TMEM121: variants seen among roughly 807,000 people sequenced by gnomAD.
TMEM121 encodes the protein transmembrane protein 121, also known as transmembrane protein 121A.
A neutral mutation model predicts 16.4 loss-of-function variants in TMEM121; 8 were observed. The ratio of observed to expected loss-of-function variants is 0.49; its 90% CI spans 0.29 to 0.88. The LOEUF (loss-of-function observed/expected upper bound fraction) is 0.88, where lower values mean the gene tolerates loss of function less well. TMEM121 is among the 40% of genes least tolerant of loss of function. The pLI is 0.09. For missense variants in TMEM121, 401 were observed against 462.0 expected (o/e 0.87, Z 1.21); for synonymous variants, 235 against 226.2 (o/e 1.04, Z -0.35).
intron 1 of TMEM121, among the ~76,000 whole-genome samples, chr14:105,527,865 G>A (rs1441307280): frequency 6.6e-6 from 1 of 152,078 alleles, no homozygotes; most frequent in Non-Finnish European, 1.5e-5. Context: ...CGGGGACTCC[G>A]ACAGCACGGC....
At position 105,529,735 on chromosome 14, in the gene TMEM121, C is replaced by A. The variant is rs1555444359; in HGVS notation, c.901C>A (p.His301Asn). 1 of 1,514,614 alleles carries A rather than the reference C, an allele frequency of 6.6e-7. No homozygotes were observed. Among genetic ancestry groups the A allele is most frequent in the Non-Finnish European group, 8.8e-7 (1 of 1,138,800 alleles). 93.8% of individuals were successfully genotyped at this position (1,514,614 alleles called of 1,614,324 possible). Residue 301 changes from histidine to asparagine, a missense_variant, in exon 2 of 2, where the codon CAC (histidine) becomes AAC (asparagine). Transcript: ENST00000392519. ...GGTGCCGCCGCCGCCGCCGCCGCTG[C>A]ACGGCCCGCCTGGGCGCCCCCACAT... Reference protein sequence around the residue: ...NSVPPPPPPLHGPPGRPHMSS... With the variant: ...NSVPPPPPPLNGPPGRPHMSS...
rs2084611046 is a variant in TMEM121 at position 105,528,806 on chromosome 14, G to A, written c.-29G>A. 1 of 1,361,162 alleles carries A rather than the reference G, an allele frequency of 7.3e-7. No individual in the cohort carries two copies. Among genetic ancestry groups the A allele is most frequent in the Admixed American group, 3.8e-5 (1 of 26,100 alleles). The allele number at this position is 1,361,162 out of a possible 1,614,324, so 84.3% of individuals were successfully genotyped here. A position where few individuals can be genotyped will look rare whatever the true frequency, so the allele number is the denominator to read the frequency against. On this transcript the variant is annotated 5_prime_UTR_variant, in exon 2 of 2. Transcript: ENST00000392519. ...GTCCCGCCAGGCGTGGGGGCCGCGC[G>A]CGCCCAGGCCGGGGCCCGGCGGCCG...
In TMEM121 at chr14:105,526,871, C is replaced by A. The variant is rs2084592152; in HGVS notation, c.-114+218C>A. ...AAGCAGAGACGCAGCCTGCTGGGAGCGGCCCAAGCTCTGCACCGGCCCGCG... is the reference window on the plus strand; with the variant it reads ...AAGCAGAGACGCAGCCTGCTGGGAGAGGCCCAAGCTCTGCACCGGCCCGCG... On this transcript the variant is annotated intron_variant, in intron 1 of 1. Transcript: ENST00000392519. The surrounding 1 kb of genome is among the most constrained non-coding windows in gnomAD (Gnocchi z 6.8). 6.6e-6 allele frequency among the ~76,000 whole-genome samples: 1 copy of A among 151,734 alleles called. No homozygotes were observed. Among genetic ancestry groups the A allele is most frequent in the Non-Finnish European group, 1.5e-5 (1 of 67,898 alleles).
At position 105,529,342 on chromosome 14, in the gene TMEM121, C is replaced by T. The variant is rs368170837; in HGVS notation, c.508C>T (p.Pro170Ser). 2 of 1,539,116 alleles carry T rather than the reference C, an allele frequency of 1.3e-6. No individual in the cohort carries two copies. The highest frequency in any genetic ancestry group is 1.4e-5 in the African/African-American group (1 of 72,994). Residue 170 changes from proline to serine, a missense_variant, in exon 2 of 2, where the codon CCG becomes TCG. Physicochemically the swap from Pro to Ser is moderately conservative, Grantham distance 74. Transcript: ENST00000392519. ...LLDMQASLWE[P>S]PRSGLPLWAE... ...GGACATGCAGGCCAGCCTGTGGGAG[C>T]CGCCGCGCTCCGGGCTGCCGCTGTG...
chr14:105,528,038 A>G (rs75767904), intron 1 of TMEM121, among the ~76,000 whole-genome samples: 4,005 of 149,896 alleles, frequency 0.027, 275 homozygotes, highest in African/African-American at 0.097. Context: ...GTGGGGGACA[A>G]CACCTCGCCA....
In TMEM121 at chr14:105,529,705, A is replaced by C. The variant is rs782152703; in HGVS notation, c.871A>C (p.Asn291His). 2.3e-4 allele frequency: 358 copies of C among 1,525,058 alleles called. No individual in the cohort carries two copies. The highest frequency in any genetic ancestry group is 1.2e-3 in the Admixed American group (62 of 50,610). 94.5% of individuals were successfully genotyped at this position (1,525,058 alleles called of 1,614,324 possible). A position where few individuals can be genotyped will look rare whatever the true frequency, so the allele number is the denominator to read the frequency against. ...GCTGCAGCCGCCACCCCCGCAGCGCAACTCGGTGCCGCCGCCGCCGCCGCC... is the reference window on the plus strand; with the variant it reads ...GCTGCAGCCGCCACCCCCGCAGCGCCACTCGGTGCCGCCGCCGCCGCCGCC... ...LELQPPPPQR[N>H]SVPPPPPPLH... Residue 291 changes from asparagine to histidine, a missense_variant, in exon 2 of 2, where the codon AAC becomes CAC. Transcript: ENST00000392519.
chr14:105,529,884 C>T lies in TMEM121; in HGVS notation c.*90C>T, dbSNP rs1160835880. 14 of 1,196,572 alleles carry T rather than the reference C, an allele frequency of 1.2e-5. No homozygotes were observed. The highest frequency in any genetic ancestry group is 1.5e-5 in the Non-Finnish European group (14 of 910,444). 74.1% of individuals were successfully genotyped at this position (1,196,572 alleles called of 1,614,324 possible). On this transcript the variant is annotated 3_prime_UTR_variant, in exon 2 of 2. Transcript: ENST00000392519. ...CGGTTTGCATGGGATGGGGTGGGGGCGGGCTCCCCTAGGGACAGGTGCCTC... is the reference window on the plus strand; with the variant it reads ...CGGTTTGCATGGGATGGGGTGGGGGTGGGCTCCCCTAGGGACAGGTGCCTC...
chr14:105,529,238 A>C lies in TMEM121; in HGVS notation c.404A>C (p.Glu135Ala). Residue 135 changes from glutamate (E) to alanine (A), a missense_variant, in exon 2 of 2, where the codon GAG becomes GCG. Glu to Ala is a moderately radical substitution (Grantham distance 107). Coordinates refer to ENST00000392519, the MANE Select transcript of TMEM121 (RefSeq NM_025268.4). The stretch of plus-strand genomic sequence containing the variant: ...CTGCTCGTGGCGCTGGACCGCATGG[A>C]GTACGTGCGCACCTTCCGCAAGCGC... Reference protein sequence around the residue: ...FLLLVALDRMEYVRTFRKRED... With the variant: ...FLLLVALDRMAYVRTFRKRED... 1.3e-6 allele frequency: 2 copies of C among 1,565,384 alleles called. No individual in the cohort carries two copies. The highest frequency in any genetic ancestry group is 1.7e-6 in the Non-Finnish European group (2 of 1,158,516).
In TMEM121 at chr14:105,529,533, C is replaced by A. The variant is rs1224959362; in HGVS notation, c.699C>A (p.Arg233=). The A allele has an allele frequency of 6.5e-7, 1 of 1,541,658 alleles. No homozygotes were observed. The stretch of plus-strand genomic sequence containing the variant: ...TCAATGTGGTGGCCGTGCTGGCGCG[C>A]GCCGCCAACATGGCGCTGTTCCGGG... ...ATVNVVAVLA[R]AANMALFRDS... is the part of the protein sequence containing the mutation. The change falls in exon 2 of 2, where the codon CGC becomes CGA. Residue 233 remains arginine (R), a synonymous_variant. Transcript: ENST00000392519.
At chr14:105,528,634 G>A (rs2141832306) in intron 1 of TMEM121, 88 bp from the exon 2 acceptor site, 1 of 391,098 alleles carries the variant, frequency 2.6e-6, no homozygotes, top group Admixed American at 5.4e-5. Context: ...CGCGCCTGGT[G>A]GGAAGCACGC....
chr14:105,529,367 G>T lies in TMEM121; in HGVS notation c.533G>T (p.Trp178Leu). The T allele has an allele frequency of 6.5e-7, 1 of 1,541,540 alleles. No homozygotes were observed. The change falls in exon 2 of 2, where the codon TGG becomes TTG. Residue 178 changes from tryptophan (W) to leucine (L), a missense_variant. Coordinates refer to ENST00000392519, the MANE Select transcript of TMEM121 (RefSeq NM_025268.4). ...WEPPRSGLPL[W>L]AEGLTFFYCY... The stretch of plus-strand genomic sequence containing the variant: ...CCGCCGCGCTCCGGGCTGCCGCTGT[G>T]GGCCGAGGGCCTCACCTTCTTCTAC...
rs2084590674 is a variant in TMEM121, at chr14:105,526,725, A to G, written c.-114+72A>G. The G allele has an allele frequency of 1.2e-5, 1 of 84,106 alleles. No homozygotes were observed. Among genetic ancestry groups the G allele is most frequent in the Non-Finnish European group, 2.3e-5 (1 of 44,162 alleles). 5.2% of individuals were successfully genotyped at this position (84,106 alleles called of 1,614,324 possible). A position where few individuals can be genotyped will look rare whatever the true frequency, so the allele number is the denominator to read the frequency against. ...GCGGAGGGGGCGGCGGGCCTGGGCG[A>G]CCCTGCACCTCTGGGCCGTGGGGAC... On this transcript the variant is annotated intron_variant, in intron 1 of 1. Coordinates refer to ENST00000392519, the MANE Select transcript of TMEM121 (RefSeq NM_025268.4). This position sits in a 1 kb window ranked among gnomAD's most constrained non-coding sequence, Gnocchi z 6.8.
rs1341218355 is a variant in TMEM121 at position 105,529,937 on chromosome 14, C to T, written c.*143C>T. 54 of 798,956 alleles carry T rather than the reference C, an allele frequency of 6.8e-5. No individual in the cohort carries two copies. In the East Asian group the frequency reaches 1.4e-3, roughly 20 times the overall value. The allele number at this position is 798,956 out of a possible 1,614,324, so 49.5% of individuals were successfully genotyped here. A position where few individuals can be genotyped will look rare whatever the true frequency, so the allele number is the denominator to read the frequency against. ...GTGCCCGTGCCTGGGGTCCCGCGGC[C>T]GCTTCTTCATCTCAGGAATCTCTCG... On this transcript the variant is annotated 3_prime_UTR_variant, in exon 2 of 2. Transcript: ENST00000392519.
At chr14:105,528,066 G>A (rs1326838039) in intron 1 of TMEM121, among the ~76,000 whole-genome samples, 2 of 151,812 alleles carry the variant, frequency 1.3e-5, no homozygotes, top group Non-Finnish European at 2.9e-5. Context: ...GCGGAGCCAT[G>A]GGGAGCAGGG....
Position 105,529,651 on chromosome 14 carries a change from G to A in TMEM121, c.817G>A (p.Asp273Asn). 6.3e-7 allele frequency: 1 copy of A among 1,577,102 alleles called. No individual in the cohort carries two copies. The highest frequency in any genetic ancestry group is 8.5e-7 in the Non-Finnish European group (1 of 1,170,350). Reference protein sequence around the residue: ...TFLEYRRQVRDFPPPALSLEL... With the variant: ...TFLEYRRQVRNFPPPALSLEL... The stretch of plus-strand genomic sequence containing the variant: ...CCTGGAGTACCGCCGCCAGGTGCGC[G>A]ACTTCCCGCCGCCTGCGCTATCACT... Residue 273 changes from aspartate (D) to asparagine (N), a missense_variant, in exon 2 of 2, where the codon GAC becomes AAC. Transcript: ENST00000392519.
chr14:105,529,730 C>G lies in TMEM121; in HGVS notation c.896C>G (p.Pro299Arg). ...QRNSVPPPPP[P>R]LHGPPGRPHM... The stretch of plus-strand genomic sequence containing the variant: ...AACTCGGTGCCGCCGCCGCCGCCGC[C>G]GCTGCACGGCCCGCCTGGGCGCCCC... Residue 299 changes from proline (P) to arginine (R), a missense_variant, in exon 2 of 2, where the codon CCG becomes CGG. Physicochemically the swap from Pro to Arg is moderately radical, Grantham distance 103. Coordinates refer to ENST00000392519, the MANE Select transcript of TMEM121 (RefSeq NM_025268.4). The G allele has an allele frequency of 6.7e-7, 1 of 1,503,678 alleles. No homozygotes were observed. The highest frequency in any genetic ancestry group is 2.1e-5 in the Admixed American group (1 of 46,662). 93.1% of individuals were successfully genotyped at this position (1,503,678 alleles called of 1,614,324 possible). A position where few individuals can be genotyped will look rare whatever the true frequency, so the allele number is the denominator to read the frequency against.
rs1379870824 is a variant in TMEM121, at chr14:105,529,698, G to T, written c.864G>T (p.Pro288=). ...CACTGGAGCTGCAGCCGCCACCCCC[G>T]CAGCGCAACTCGGTGCCGCCGCCGC... ...ALSLELQPPP[P]QRNSVPPPPP... is the part of the protein sequence containing the mutation. The change falls in exon 2 of 2, where the codon CCG becomes CCT. Residue 288 remains proline, a synonymous_variant. Transcript: ENST00000392519. 1.3e-6 allele frequency: 2 copies of T among 1,540,106 alleles called. No individual in the cohort carries two copies. Among genetic ancestry groups the T allele is most frequent in the African/African-American group, 2.9e-5 (2 of 69,674 alleles).
Position 105,529,056 on chromosome 14 carries a change from C to G in TMEM121, c.222C>G (p.Tyr74Ter), listed in dbSNP as rs1555444168. ...GAEVRTAKRG[Y>*]AMILWFLYIF... ...AGGTGCGCACGGCCAAGCGCGGCTA[C>G]GCCATGATCCTGTGGTTCCTTTACA... The change falls in exon 2 of 2, where the codon TAC becomes TAG. Residue 74 changes from tyrosine (Y) to a stop codon, truncating the protein, a stop_gained. Coordinates refer to ENST00000392519, the MANE Select transcript of TMEM121 (RefSeq NM_025268.4). LOFTEE classifies it high-confidence loss of function. 1.2e-6 allele frequency: 2 copies of G among 1,612,458 alleles called. No individual in the cohort carries two copies. The highest frequency in any genetic ancestry group is 1.7e-6 in the Non-Finnish European group (2 of 1,179,784).
rs1263142750 is a variant in TMEM121 at position 105,529,731 on chromosome 14, G to T, written c.897G>T (p.Pro299=). ...ACTCGGTGCCGCCGCCGCCGCCGCC[G>T]CTGCACGGCCCGCCTGGGCGCCCCC... ...QRNSVPPPPP[P]LHGPPGRPHM... Residue 299 remains proline, a synonymous_variant, in exon 2 of 2, where the codon CCG becomes CCT. Transcript: ENST00000392519. 1.4e-5 allele frequency: 22 copies of T among 1,519,196 alleles called. 1 individual carries two copies. Among genetic ancestry groups the T allele is most frequent in the Admixed American group, 6.3e-5 (3 of 47,468 alleles). 94.1% of individuals were successfully genotyped at this position (1,519,196 alleles called of 1,614,324 possible).
Sources: allele counts gnomAD v4.1 joint callset (sites outside exome capture counted in the v4.1 genomes callset), GRCh38; gene constraint gnomAD v4.1.1; non-coding constraint Gnocchi (gnomAD v3.1); transcripts MANE v1.5; gene names NCBI Gene and HGNC (gene_info 2026-07-23, HGNC 2026-07-21).